Variants in JPH3 observed in about 807,000 individuals in gnomAD.
JPH3 encodes junctophilin-3.
JPH3 carries 11 observed loss-of-function variants against 59.6 expected under a neutral mutation model. That is an observed-to-expected ratio of 0.18 (90% confidence interval 0.12 to 0.31). JPH3 has a LOEUF of 0.31. Ranked by LOEUF, JPH3 falls within the 10% of genes least tolerant of loss-of-function variation. The pLI is 1.00. For synonymous variants in JPH3, 673 were observed against 483.6 expected (o/e 1.39, Z -5.14); for missense variants, 1,202 against 1,105.7 (o/e 1.09, Z -1.24).
intron 4 of JPH3, chr16:87,694,816 C>T (rs1429605548): frequency 5.2e-6 from 1 of 192,078 alleles, no homozygotes; most frequent in Non-Finnish European, 1.1e-5. Flanking sequence ...CACTTGCTGT[C>T]CCCTCCTCCC....
intron 1 of JPH3, among the ~76,000 whole-genome samples, chr16:87,636,869 C>G (rs566454629): frequency 6.6e-6 from 1 of 152,366 alleles, no homozygotes; most frequent in Non-Finnish European, 1.5e-5. Context: ...GGTGTGGAAA[C>G]TAACTCAGCT....
At chr16:87,614,577 G>A (rs28449447) in intron 1 of JPH3, among the ~76,000 whole-genome samples, 63,556 of 145,584 alleles carry the variant, frequency 0.44, 14,905 homozygotes, top group African/African-American at 0.59. Flanking sequence ...CTCTGTACAC[G>A]TGTGGAGCTG....
At chr16:87,640,557 GT>G (rs1289157707) in intron 1 of JPH3, among the ~76,000 whole-genome samples, 1 of 151,576 alleles carries the variant, frequency 6.6e-6, no homozygotes, top group African/African-American at 2.4e-5. Flanking sequence ...TGCCTAGCTA[GT>G]TTTTTTGTAT....
At chr16:87,644,119 C>T (rs1465516302) in intron 1 of JPH3, 139 bp from the exon 2 acceptor site, 11 of 906,264 alleles carry the variant, frequency 1.2e-5, no homozygotes, top group Non-Finnish European at 1.7e-5. Flanking sequence ...GCCTGGGCAA[C>T]ACAGCGAGAA....
intron 4 of JPH3, among the ~76,000 whole-genome samples, chr16:87,693,366 C>A (rs2033660939): frequency 1.3e-5 from 2 of 152,230 alleles, no homozygotes; most frequent in Non-Finnish European, 2.9e-5. Flanking sequence ...ATCTGTTGAG[C>A]AAACTTTTTC....
chr16:87,658,341 CCTCT>C (rs894195900), intron 2 of JPH3, among the ~76,000 whole-genome samples: 12 of 151,760 alleles, frequency 7.9e-5, no homozygotes, highest in African/African-American at 2.7e-4. Context: ...TCTCTGTTTC[CCTCT>C]CTCTCTCCTT....
chr16:87,612,982 C>T (rs563267233), intron 1 of JPH3, among the ~76,000 whole-genome samples: 186 of 151,198 alleles, frequency 1.2e-3, no homozygotes, highest in African/African-American at 4.4e-3. Context: ...GCCAAGATAG[C>T]GCCCCTGCAG....
chr16:87,652,651 G>A (rs145654812), intron 2 of JPH3, among the ~76,000 whole-genome samples: 58 of 152,284 alleles, frequency 3.8e-4, no homozygotes, highest in East Asian at 1.4e-3. Flanking sequence ...GTCAGCCCCC[G>A]TCTGTCCTGG....
chr16:87,655,561 C>G (rs2032472233), intron 2 of JPH3, among the ~76,000 whole-genome samples: 1 of 152,190 alleles, frequency 6.6e-6, no homozygotes, highest in Non-Finnish European at 1.5e-5. Flanking sequence ...ACTGTGTTGA[C>G]CAGGCTGGTC....
At chr16:87,639,161 C>T (rs566700965) in intron 1 of JPH3, among the ~76,000 whole-genome samples, 25 of 152,294 alleles carry the variant, frequency 1.6e-4, no homozygotes, top group Admixed American at 1.3e-3. Flanking sequence ...CGAGCATTAG[C>T]GACTTTCCAG....
chr16:87,683,851 C>T (rs1383609037), intron 2 of JPH3: 1 of 348,996 alleles, frequency 2.9e-6, no homozygotes, highest in Non-Finnish European at 5.2e-6. Context: ...AGCGATCTTC[C>T]TGCCTTGGCC....
intron 4 of JPH3, among the ~76,000 whole-genome samples, chr16:87,691,874 A>T (rs1473735818): frequency 6.6e-6 from 1 of 152,126 alleles, no homozygotes; most frequent in Non-Finnish European, 1.5e-5. Flanking sequence ...TATTTTAGGA[A>T]CAGCCAAGCA....
At chr16:87,613,803 C>T (rs2030828342) in intron 1 of JPH3, among the ~76,000 whole-genome samples, 2 of 152,154 alleles carry the variant, frequency 1.3e-5, no homozygotes, top group Admixed American at 1.3e-4. Flanking sequence ...TTGTGCTGGG[C>T]ATTTTATCAT....
intron 1 of JPH3, among the ~76,000 whole-genome samples, chr16:87,628,651 C>T (rs1294486178): frequency 2.0e-5 from 3 of 152,196 alleles, no homozygotes; most frequent in Non-Finnish European, 4.4e-5. Context: ...GGCACAATAA[C>T]ATGCTAATGT....
intron 2 of JPH3, among the ~76,000 whole-genome samples, chr16:87,677,225 C>CACACACACACAAAA (rs1271128667): frequency 2.4e-5 from 2 of 81,724 alleles, no homozygotes; most frequent in East Asian, 6.4e-4. Flanking sequence ...CACACACACA[C>CACACACACACAAAA]AAAAAAAAAA....
intron 2 of JPH3, 26 bp downstream of exon 2, chr16:87,645,061 CCTT>C (rs756423814): frequency 1.3e-6 from 2 of 1,579,972 alleles, no homozygotes; most frequent in Non-Finnish European, 1.7e-6. Context: ...GGCGGGGGGC[CCTT>C]CTTGGTGCCC....
chr16:87,668,242 G>A (rs896965145), intron 2 of JPH3, among the ~76,000 whole-genome samples: 6 of 152,298 alleles, frequency 3.9e-5, no homozygotes, highest in South Asian at 2.1e-4. Flanking sequence ...TCTGGAGGCC[G>A]GAGCCGGCAC....
intron 3 of JPH3, among the ~76,000 whole-genome samples, chr16:87,685,780 T>G (rs1257457553): frequency 6.6e-6 from 1 of 152,208 alleles, no homozygotes; most frequent in Non-Finnish European, 1.5e-5. Flanking sequence ...CTGTTTTGTT[T>G]CCTCTCAGAG....
intron 1 of JPH3, among the ~76,000 whole-genome samples, chr16:87,635,137 G>T (rs72810139): frequency 0.25 from 38,146 of 151,930 alleles, 5,332 homozygotes; most frequent in Non-Finnish European, 0.33. Context: ...CCTGGGCAGG[G>T]CTGTGGCCAT....
Sources: allele counts gnomAD v4.1 joint callset (sites outside exome capture counted in the v4.1 genomes callset), GRCh38; gene constraint gnomAD v4.1.1; transcripts MANE v1.5; gene names NCBI Gene and HGNC (gene_info 2026-07-23, HGNC 2026-07-21).